The following AKAP13 variants were observed in gnomAD, a reference collection of about 807,000 sequenced individuals.
The protein encoded by AKAP13 is A-kinase anchoring protein 13, also known as A-kinase anchor protein 13.
AKAP13 carries 80 observed loss-of-function variants against 264.5 expected under a neutral mutation model. The ratio of observed to expected loss-of-function variants is 0.30; its 90% CI spans 0.25 to 0.36. AKAP13 has a LOEUF of 0.36. Among genes scored for constraint, AKAP13 ranks in the 10% least tolerant of loss-of-function variants. The pLI is 1.00. For missense variants in AKAP13, 3,712 were observed against 3,435.2 expected (o/e 1.08, Z -2.01); for synonymous variants, 1,380 against 1,250.2 (o/e 1.10, Z -2.19).
chr15:85,686,171 G>A (rs1284231041), intron 16 of AKAP13, among the ~76,000 whole-genome samples: 2 of 119,136 alleles, frequency 1.7e-5, no homozygotes, highest in African/African-American at 3.4e-5. Context: ...GTGTGTATGT[G>A]TGTGTGTGCA....
At position 85,723,160 on chromosome 15, in the gene AKAP13, T is replaced by C. The variant is rs749563779; in HGVS notation, c.6585T>C (p.Tyr2195=). ...CTGTAGACAGCAAAGTGGCAAGTTA[T>C]GAAAAGAAAGTGCGTCTCAATGAGA... ...IGAVDSKVAS[Y]EKKVRLNEIY... Residue 2195 remains tyrosine (Y), a synonymous_variant, in exon 26 of 37, where the codon TAT becomes TAC. Coordinates refer to ENST00000394518, the MANE Select transcript of AKAP13 (RefSeq NM_007200.5). 13 of 1,614,052 alleles carry C rather than the reference T, an allele frequency of 8.1e-6. No individual in the cohort carries two copies. The East Asian group carries it at 2.5e-4, about 30-fold the overall frequency.
At chr15:85,465,978 A>G (rs1419699400) in intron 1 of AKAP13, among the ~76,000 whole-genome samples, 3 of 151,202 alleles carry the variant, frequency 2.0e-5, no homozygotes, top group African/African-American at 7.3e-5. Flanking sequence ...AACAGTGTAA[A>G]AGTGTTCCTA....
intron 5 of AKAP13, among the ~76,000 whole-genome samples, chr15:85,553,231 C>T (rs1301803280): frequency 6.6e-6 from 1 of 151,918 alleles, no homozygotes; most frequent in East Asian, 1.9e-4. Context: ...GGATTACGGG[C>T]ACTCGCCACC....
At chr15:85,686,141 A>T (rs925303106) in intron 16 of AKAP13, among the ~76,000 whole-genome samples, 2 of 112,100 alleles carry the variant, frequency 1.8e-5, no homozygotes, top group African/African-American at 3.7e-5. Flanking sequence ...CTTGCAAGGA[A>T]TCACTGTGTG....
chr15:85,497,558 G>A (rs1252048460), intron 2 of AKAP13, among the ~76,000 whole-genome samples: 1 of 152,174 alleles, frequency 6.6e-6, no homozygotes, highest in South Asian at 2.1e-4. Context: ...TGCTTGACCA[G>A]GGTGGGCAGT....
chr15:85,699,105 A>G (rs1035867086), intron 17 of AKAP13, among the ~76,000 whole-genome samples: 2 of 152,076 alleles, frequency 1.3e-5, no homozygotes, highest in Admixed American at 6.6e-5. Flanking sequence ...AGAACAATAT[A>G]TACAGCATGA....
intron 6 of AKAP13, among the ~76,000 whole-genome samples, chr15:85,577,515 A>T: frequency 6.6e-6 from 1 of 152,082 alleles, no homozygotes; most frequent in East Asian, 1.9e-4. Flanking sequence ...TAGATTAATA[A>T]TTTTTTTCTA....
At chr15:85,716,464 G>T (rs2086953065) in intron 20 of AKAP13, among the ~76,000 whole-genome samples, 1 of 152,170 alleles carries the variant, frequency 6.6e-6, no homozygotes, top group South Asian at 2.1e-4. Context: ...GCCAGGCCTT[G>T]GCTGTCAAGT....
intron 8 of AKAP13, among the ~76,000 whole-genome samples, chr15:85,611,145 G>T (rs540810732): frequency 2.0e-5 from 3 of 152,302 alleles, no homozygotes; most frequent in Non-Finnish European, 4.4e-5. Context: ...CGTTTTTACA[G>T]CATTTCGCAC....
intron 8 of AKAP13, among the ~76,000 whole-genome samples, chr15:85,615,241 G>A (rs1053056772): frequency 6.6e-6 from 1 of 152,216 alleles, no homozygotes; most frequent in Admixed American, 6.5e-5. Context: ...AAGGGTTAAG[G>A]AAAGGAGCTG....
At chr15:85,541,425 T>TGA (rs1245619431) in intron 4 of AKAP13, among the ~76,000 whole-genome samples, 1 of 152,202 alleles carries the variant, frequency 6.6e-6, no homozygotes, top group African/African-American at 2.4e-5. Flanking sequence ...TGTGATTCTT[T>TGA]GAACTATGTG....
intron 2 of AKAP13, among the ~76,000 whole-genome samples, chr15:85,498,563 T>G (rs1043809701): frequency 7.6e-6 from 1 of 131,734 alleles, no homozygotes; most frequent in Non-Finnish European, 1.7e-5. Context: ...GAGGATGGTT[T>G]CACTATCAGC....
In AKAP13 at chr15:85,664,521, A is replaced by G. The variant is rs752725298; in HGVS notation, c.4800-42A>G. 3.6e-5 allele frequency: 56 copies of G among 1,545,558 alleles called. No individual in the cohort carries two copies. The South Asian group carries it at 5.5e-4, about 15-fold the overall frequency. ...TTTTGTGTCCTCCTTTGTTTTTGAGACCCAGAAATAGAATGAATTAACTTT... is the reference window on the plus strand; with the variant it reads ...TTTTGTGTCCTCCTTTGTTTTTGAGGCCCAGAAATAGAATGAATTAACTTT... On this transcript the variant is annotated intron_variant, in intron 12 of 36. Coordinates refer to ENST00000394518, the MANE Select transcript of AKAP13 (RefSeq NM_007200.5).
intron 16 of AKAP13, among the ~76,000 whole-genome samples, chr15:85,688,256 T>A (rs915856781): frequency 6.6e-6 from 1 of 152,216 alleles, no homozygotes; most frequent in Non-Finnish European, 1.5e-5. Context: ...TAATGTTACT[T>A]CTCCATAATG....
rs564823324 is a variant in AKAP13, at chr15:85,748,825, G to A, written c.*4148G>A. ...TGAGTGACCTGCCCTACAACCAGGT[G>A]GGACCACCTGTGCTGCAGTCCGGAG... On this transcript the variant is annotated 3_prime_UTR_variant, in exon 37 of 37. Coordinates refer to ENST00000394518, the MANE Select transcript of AKAP13 (RefSeq NM_007200.5). 1.3e-5 allele frequency: 2 copies of A among 152,306 alleles called. No homozygotes were observed. Among genetic ancestry groups the A allele is most frequent in the Non-Finnish European group, 2.9e-5 (2 of 68,090 alleles). 9.4% of individuals were successfully genotyped at this position (152,306 alleles called of 1,614,324 possible).
intron 1 of AKAP13, among the ~76,000 whole-genome samples, chr15:85,411,748 T>C (rs758691319): frequency 3.3e-5 from 5 of 152,210 alleles, no homozygotes; most frequent in Non-Finnish European, 7.3e-5. Flanking sequence ...ACTAACTGCT[T>C]TTTTAAATGA....
chr15:85,408,574 CA>C (rs2150862589), intron 1 of AKAP13, among the ~76,000 whole-genome samples: 1 of 151,952 alleles, frequency 6.6e-6, no homozygotes, highest in East Asian at 1.9e-4. Flanking sequence ...TGATACCACA[CA>C]GTCTGCGTTC....
intron 1 of AKAP13, among the ~76,000 whole-genome samples, chr15:85,451,131 C>T (rs1328474660): frequency 6.6e-6 from 1 of 152,084 alleles, no homozygotes; most frequent in Non-Finnish European, 1.5e-5. Flanking sequence ...CTTTTTTGAT[C>T]CTTGTTGGTT....
Position 85,741,401 on chromosome 15 carries a change from G to A in AKAP13, c.7964G>A (p.Arg2655His), listed in dbSNP as rs773063985. 6 of 1,613,856 alleles carry A rather than the reference G, an allele frequency of 3.7e-6. No individual in the cohort carries two copies. Among genetic ancestry groups the A allele is most frequent in the South Asian group, 3.3e-5 (3 of 91,080 alleles). ...TACCAGTATGACCTGGAGCGACTGCGTGCTGCCCAGAAACAGCTTGAGAGG... is the reference window on the plus strand; with the variant it reads ...TACCAGTATGACCTGGAGCGACTGCATGCTGCCCAGAAACAGCTTGAGAGG... Reference protein sequence around the residue: ...GTYQYDLERLRAAQKQLEREQ... With the variant: ...GTYQYDLERLHAAQKQLEREQ... The change falls in exon 35 of 37, where the codon CGT becomes CAT. Residue 2655 changes from arginine to histidine, a missense_variant. Physicochemically the swap from Arg to His is conservative, Grantham distance 29 (BLOSUM62 0). Coordinates refer to ENST00000394518, the MANE Select transcript of AKAP13 (RefSeq NM_007200.5).
Sources: allele counts gnomAD v4.1 joint callset (sites outside exome capture counted in the v4.1 genomes callset), GRCh38; gene constraint gnomAD v4.1.1; transcripts MANE v1.5; gene names NCBI Gene and HGNC (gene_info 2026-07-23, HGNC 2026-07-21).